The following USP24 variants were observed in gnomAD, a reference collection of about 807,000 sequenced individuals.
The protein encoded by USP24 is ubiquitin specific peptidase 24, also known as ubiquitin carboxyl-terminal hydrolase 24.
In USP24, 97 loss-of-function variants were observed where a neutral mutation model predicts 361.6. The observed-to-expected ratio is 0.27, with a 90% CI of 0.23 to 0.32. The LOEUF (loss-of-function observed/expected upper bound fraction) is 0.32, where lower values mean the gene tolerates loss of function less well. Among genes scored for constraint, USP24 ranks in the 10% least tolerant of loss-of-function variants. The pLI, the probability that USP24 is intolerant of heterozygous loss-of-function variation, is 1.00. For missense variants in USP24, 2,353 were observed against 3,165.6 expected (o/e 0.74, Z 6.16); for synonymous variants, 1,098 against 1,124.6 (o/e 0.98, Z 0.47).
At chr1:55,089,877 A>G (rs1570374247) in intron 54 of USP24, 137 bp from the exon 55 acceptor site, 4 of 594,472 alleles carry the variant, frequency 6.7e-6, no homozygotes, top group Admixed American at 6.6e-5. Context: ...GAGTGGAGGG[A>G]TAAGAGATAC....
chr1:55,198,781 G>A (rs371302258), intron 1 of USP24, among the ~76,000 whole-genome samples: 4 of 152,176 alleles, frequency 2.6e-5, no homozygotes, highest in African/African-American at 9.7e-5. Flanking sequence ...AATATAGGTT[G>A]TTGACAAATG....
chr1:55,115,285 G>A (rs1014202255), intron 38 of USP24, among the ~76,000 whole-genome samples: 5 of 151,942 alleles, frequency 3.3e-5, no homozygotes, highest in South Asian at 2.1e-4. Context: ...TTGGGAGGCC[G>A]AGGCGGGCGA....
At chr1:55,166,958 A>AATGGGATTAACTTTT in intron 5 of USP24, among the ~76,000 whole-genome samples, 1 of 152,236 alleles carries the variant, frequency 6.6e-6, no homozygotes, top group Non-Finnish European at 1.5e-5. Flanking sequence ...AAGAAGCAGT[A>AATGGGATTAACTTTT]AATCAGCAGA....
At chr1:55,089,942 T>C (rs538441295) in intron 54 of USP24, among the ~76,000 whole-genome samples, 2 of 152,278 alleles carry the variant, frequency 1.3e-5, no homozygotes, top group East Asian at 3.9e-4. Context: ...GTGCTTTGCA[T>C]TCCTTGGCTC....
At position 55,139,019 on chromosome 1, in the gene USP24, TA is replaced by T. The variant is rs761398459; in HGVS notation, c.2751-10del. 0.077 allele frequency: 79,668 copies of T among 1,032,162 alleles called. No individual in the cohort carries two copies. Among genetic ancestry groups the T allele is most frequent in the South Asian group, 0.12 (6,254 of 50,588 alleles). The allele number at this position is 1,032,162 out of a possible 1,614,324, so 63.9% of individuals were successfully genotyped here. On this transcript the variant is annotated splice_polypyrimidine_tract_variant and intron_variant, in intron 24 of 67. Coordinates refer to ENST00000294383, the MANE Select transcript of USP24 (RefSeq NM_015306.3). ...TTACAAGTTTAGTAGATCTATAGAT[TA>T]AAAAAAAAAAGTATTAAAATGTATT...
At chr1:55,144,964 A>C (rs1350429495) in intron 20 of USP24, among the ~76,000 whole-genome samples, 1 of 152,058 alleles carries the variant, frequency 6.6e-6, no homozygotes, top group East Asian at 1.9e-4. Flanking sequence ...ACACCCATTA[A>C]ATTTTGATAC....
chr1:55,115,687 A>C (rs2100573173), intron 38 of USP24, among the ~76,000 whole-genome samples: 1 of 152,256 alleles, frequency 6.6e-6, no homozygotes, highest in African/African-American at 2.4e-5. Context: ...AAAGGATTGT[A>C]AATCATTCTA....
chr1:55,089,776 A>G (rs192272871), intron 54 of USP24, 36 bp from the exon 55 acceptor site: 1 of 1,472,496 alleles, frequency 6.8e-7, no homozygotes. Context: ...TGTTAGGAGC[A>G]TAAGCCCAGC....
At chr1:55,117,327 G>C (rs1005403201) in intron 38 of USP24, among the ~76,000 whole-genome samples, 1 of 152,196 alleles carries the variant, frequency 6.6e-6, no homozygotes, top group Non-Finnish European at 1.5e-5. Flanking sequence ...TTCAGCCAGA[G>C]CAATTAGGCA....
At position 55,146,041 on chromosome 1, in the gene USP24, C is replaced by T. The variant is rs763250567; in HGVS notation, c.2319G>A (p.Lys773=). The change falls in exon 20 of 68, where the codon AAG becomes AAA. Residue 773 remains lysine (K), a synonymous_variant. Transcript: ENST00000294383. ...ATGACTCCAATTTAAGAATTTTCTC[C>T]TTGAAGAGCTGCTGCTGAACATCAC... ...LESDVQQQLF[K]EKILKLESYE... 2.3e-5 allele frequency: 37 copies of T among 1,612,958 alleles called. 1 individual carries two copies. The South Asian group carries it at 3.3e-4, about 14-fold the overall frequency.
intron 32 of USP24, 42 bp from the exon 33 acceptor site, chr1:55,125,800 A>T (rs1646412148): frequency 2.7e-6 from 4 of 1,465,274 alleles, no homozygotes; most frequent in Non-Finnish European, 3.7e-6. Context: ...AAAGACTTCT[A>T]TTTTTTTTCA....
chr1:55,194,445 T>C (rs1283593512), intron 1 of USP24, among the ~76,000 whole-genome samples: 2 of 152,028 alleles, frequency 1.3e-5, no homozygotes, highest in Admixed American at 6.6e-5. Flanking sequence ...ACATAAGAAA[T>C]AGAAGCCCAG....
In USP24 at chr1:55,174,736, A is replaced by G. The variant is rs529225216; in HGVS notation, c.558+1640T>C. ...TACACTTTTCCTTTTAAGTTTATGC[A>G]TCCACTGTGATGTGTGTCACAGTAT... On this transcript the variant is annotated intron_variant, in intron 3 of 67. Transcript: ENST00000294383. Among the ~76,000 whole-genome samples, 8 of 152,370 alleles carry G rather than the reference A, an allele frequency of 5.3e-5. No homozygotes were observed. The South Asian group carries it at 1.4e-3, about 28-fold the overall frequency.
At chr1:55,074,866 T>C (rs899101691) in intron 63 of USP24, among the ~76,000 whole-genome samples, 6 of 151,958 alleles carry the variant, frequency 3.9e-5, no homozygotes, top group African/African-American at 1.5e-4. Context: ...TCTTAATACA[T>C]AGCAAAATCT....
At position 55,137,838 on chromosome 1, in the gene USP24, C is replaced by G; in HGVS notation, c.2995G>C (p.Asp999His). 1.9e-6 allele frequency: 3 copies of G among 1,596,446 alleles called. No homozygotes were observed. Among genetic ancestry groups the G allele is most frequent in the Non-Finnish European group, 2.6e-6 (3 of 1,170,300 alleles). The change falls in exon 27 of 68, where the codon GAT becomes CAT. Residue 999 changes from aspartate (D) to histidine (H), a missense_variant. By Grantham distance (81) the Asp-to-His change is moderately conservative. Transcript: ENST00000294383. ...TCATTTGTAAATATCTGTATATTAT[C>G]CACAGGAGAGCACAACTGCTTGGCT... ...KIAKQLCSPV[D>H]NIQIFTNDSL... is the part of the protein sequence containing the mutation.
At chr1:55,084,409 G>A (rs1645209769) in intron 56 of USP24, 1 of 152,336 alleles carries the variant, frequency 6.6e-6, no homozygotes, top group South Asian at 2.1e-4. Context: ...GCCCGCTGAC[G>A]CCTCATGGAA....
chr1:55,124,715 A>G (rs529447784), intron 34 of USP24, 87 bp from the exon 35 acceptor site: 6 of 1,444,682 alleles, frequency 4.2e-6, no homozygotes, highest in Non-Finnish European at 5.7e-6. Flanking sequence ...TCTCAGTTTC[A>G]TACGCCTCCT....
At chr1:55,077,155 G>T in intron 62 of USP24, 80 bp downstream of exon 62, 1 of 1,220,256 alleles carries the variant, frequency 8.2e-7, no homozygotes, top group Admixed American at 3.0e-5. Context: ...ATAATAAAAA[G>T]ACATATAATT....
intron 62 of USP24, among the ~76,000 whole-genome samples, chr1:55,076,301 TAC>T (rs752341334): frequency 2.6e-5 from 4 of 152,232 alleles, no homozygotes; most frequent in African/African-American, 9.6e-5. Context: ...AGATGAACAA[TAC>T]ACAGTCCTAT....
Sources: gnomAD v4.1 joint callset for allele counts (sites outside exome capture counted in the v4.1 genomes callset) on GRCh38, gnomAD v4.1.1 for gene constraint, MANE v1.5 for transcripts, NCBI Gene and HGNC (gene_info 2026-07-23, HGNC 2026-07-21) for gene names.